The following HACL1 variants were observed in gnomAD, a reference collection of about 807,000 sequenced individuals.
HACL1 encodes 2-hydroxyacyl-CoA lyase 1.
HACL1 carries 64 observed loss-of-function variants against 74.2 expected under a neutral mutation model. The ratio of observed to expected loss-of-function variants is 0.86; its 90% CI spans 0.70 to 1.06. The LOEUF is 1.06. Ranked by LOEUF, HACL1 falls within the 50% of genes least tolerant of loss-of-function variation. The pLI is 0.00. For missense variants in HACL1, 728 were observed against 719.7 expected, an observed-to-expected ratio of 1.01 and a Z score of -0.13; for synonymous variants, 230 against 238.8, an observed-to-expected ratio of 0.96 and a Z score of 0.34.
intron 12 of HACL1, among the ~76,000 whole-genome samples, chr3:15,571,264 T>A (rs143448788): frequency 7.2e-5 from 11 of 152,248 alleles, no homozygotes; most frequent in South Asian, 2.1e-4. Flanking sequence ...TGTTTAATTG[T>A]GATGTTCTAT....
chr3:15,574,482 T>C (rs950183512), intron 10 of HACL1, among the ~76,000 whole-genome samples: 3 of 152,188 alleles, frequency 2.0e-5, no homozygotes, highest in African/African-American at 7.2e-5. Flanking sequence ...AAATGGCTTA[T>C]AAGGTGGGTC....
chr3:15,589,537 T>C lies in HACL1; in HGVS notation c.381+3A>G. On this transcript the variant is annotated splice_donor_region_variant and intron_variant, in intron 5 of 16. Transcript: ENST00000321169. ...AAAAAACCAAAATCTTAAAGTTGGA[T>C]ACCTGAGGAAACTCCTGGAAAGCTC... 3 of 1,582,400 alleles carry C rather than the reference T, an allele frequency of 1.9e-6. No individual in the cohort carries two copies. The highest frequency in any genetic ancestry group is 2.6e-6 in the Non-Finnish European group (3 of 1,155,984).
At chr3:15,571,990 C>T (rs763446852) in intron 11 of HACL1, among the ~76,000 whole-genome samples, 1 of 151,736 alleles carries the variant, frequency 6.6e-6, no homozygotes, top group Non-Finnish European at 1.5e-5. Context: ...CAGGTGCCTG[C>T]CACCATGCTC....
chr3:15,563,574 T>C, intron 15 of HACL1, 30 bp from the exon 16 acceptor site: 1 of 1,426,576 alleles, frequency 7.0e-7, no homozygotes, highest in Non-Finnish European at 9.7e-7. Context: ...GTCAATGAAA[T>C]TTAAATCTTA....
At chr3:15,593,160 TAC>T (rs1245426087) in intron 3 of HACL1, among the ~76,000 whole-genome samples, 7 of 149,202 alleles carry the variant, frequency 4.7e-5, no homozygotes, top group African/African-American at 1.5e-4. Context: ...CATACACACA[TAC>T]GTATATATGT....
Position 15,586,567 on chromosome 3 carries a change from G to C in HACL1, c.417C>G (p.Ala139=). 6.2e-7 allele frequency: 1 copy of C among 1,600,762 alleles called. No homozygotes were observed. Among genetic ancestry groups the C allele is most frequent in the South Asian group, 1.1e-5 (1 of 90,338 alleles). The change falls in exon 6 of 17, where the codon GCC becomes GCG. Residue 139 remains alanine (A), a synonymous_variant. Coordinates refer to ENST00000321169, the MANE Select transcript of HACL1 (RefSeq NM_012260.4). ...GAATAGCTTCTATGCTGCTTGGGCG[G>C]GCAGAGAACTTGGTATATAATCTAC... ...EACRLYTKFS[A]RPSSIEAIPF...
At chr3:15,586,780 T>C (rs1421509363) in intron 5 of HACL1, among the ~76,000 whole-genome samples, 178 bp from the exon 6 acceptor site, 3 of 152,156 alleles carry the variant, frequency 2.0e-5, no homozygotes, top group Non-Finnish European at 4.4e-5. Context: ...CTTGGTATGA[T>C]TCAGGAAGCG....
rs71045168 is a variant in HACL1, at chr3:15,592,074, G to GTATATATACGTATATATACACACACTA, written c.228-395_228-394insTAGTGTGTGTATATATACGTATATATA. 4.0e-4 allele frequency among the ~76,000 whole-genome samples: 53 copies of GTATATATACGTATATATACACACACTA among 131,534 alleles called. 1 individual carries two copies. The highest frequency in any genetic ancestry group is 6.9e-4 in the Non-Finnish European group (43 of 62,208). 86.3% of individuals were successfully genotyped at this position (131,534 alleles called of 152,430 possible). A position where few individuals can be genotyped will look rare whatever the true frequency, so the allele number is the denominator to read the frequency against. On this transcript the variant is annotated intron_variant, in intron 3 of 16. Coordinates refer to ENST00000321169, the MANE Select transcript of HACL1 (RefSeq NM_012260.4). ...TATATACGTATATATACGTATATAC[G>GTATATATACGTATATATACACACACTA]TATACGTATATATACACACACTATA...
Position 15,601,517 on chromosome 3 carries a change from C to G in HACL1, c.-54G>C, listed in dbSNP as rs1364351264. The G allele has an allele frequency of 6.2e-7, 1 of 1,609,182 alleles. No individual in the cohort carries two copies. Among genetic ancestry groups the G allele is most frequent in the East Asian group, 2.2e-5 (1 of 44,876 alleles). On this transcript the variant is annotated 5_prime_UTR_variant, in exon 1 of 17. Coordinates refer to ENST00000321169, the MANE Select transcript of HACL1 (RefSeq NM_012260.4). ...GCAGCCGGCAAACAAGCGGAATCAT[C>G]CAGCAAGGCAAACGCGAAATCGGCA...
At chr3:15,587,608 G>A (rs915910509) in intron 5 of HACL1, among the ~76,000 whole-genome samples, 1 of 152,082 alleles carries the variant, frequency 6.6e-6, no homozygotes, top group Non-Finnish European at 1.5e-5. Flanking sequence ...CATTTATCCT[G>A]TTTTCTTTTT....
At position 15,573,232 on chromosome 3, in the gene HACL1, C is replaced by T. The variant is rs1418420194; in HGVS notation, c.920G>A (p.Cys307Tyr). Residue 307 changes from cysteine to tyrosine, a missense_variant, in exon 11 of 17, where the codon TGT becomes TAT. Cys to Tyr is a radical substitution (Grantham distance 194). Transcript: ENST00000321169. Reference protein sequence around the residue: ...PDVKFIQVDICAEELGNNVKP... With the variant: ...PDVKFIQVDIYAEELGNNVKP... Reference sequence around the variant, plus strand: ...TACATTATTCCCCAATTCTTCTGCACAGATATCAACCTAAAAAAGAGACAA... The same window carrying T: ...TACATTATTCCCCAATTCTTCTGCATAGATATCAACCTAAAAAAGAGACAA... 5.6e-6 allele frequency: 9 copies of T among 1,600,006 alleles called. No homozygotes were observed. In the South Asian group the frequency reaches 8.8e-5, roughly 16 times the overall value.
In HACL1 at chr3:15,567,862, T is replaced by A; in HGVS notation, c.1391A>T (p.Glu464Val). ...GDSAFGFSGM[E>V]VETICRYNLP... is the part of the protein sequence containing the mutation. ...GTTTTACCTGCAGATGGTTTCTACC[T>A]CCATGCCAGAAAACCCAAATGCACT... The change falls in exon 14 of 17, where the codon GAG (glutamate) becomes GTG (valine). Residue 464 changes from glutamate to valine, a missense_variant. Physicochemically the swap from Glu to Val is moderately radical, Grantham distance 121 (BLOSUM62 -2). Coordinates refer to ENST00000321169, the MANE Select transcript of HACL1 (RefSeq NM_012260.4). 1 of 1,613,946 alleles carries A rather than the reference T, an allele frequency of 6.2e-7. No individual in the cohort carries two copies. Among genetic ancestry groups the A allele is most frequent in the Non-Finnish European group, 8.5e-7 (1 of 1,179,770 alleles).
At chr3:15,591,034 T>C (rs957046186) in intron 4 of HACL1, among the ~76,000 whole-genome samples, 4 of 152,292 alleles carry the variant, frequency 2.6e-5, no homozygotes, top group African/African-American at 7.2e-5. Flanking sequence ...TGTGCCAAGA[T>C]TGCACCACTG....
intron 3 of HACL1, among the ~76,000 whole-genome samples, chr3:15,593,471 G>C (rs1479254602): frequency 2.0e-5 from 3 of 151,854 alleles, no homozygotes; most frequent in African/African-American, 7.3e-5. Flanking sequence ...TGCCTGCCTT[G>C]GCCTCCCAAA....
rs2063334469 is a variant in HACL1 at position 15,560,855 on chromosome 3, G to C, written c.*10C>G. 5.0e-6 allele frequency: 8 copies of C among 1,590,370 alleles called. No homozygotes were observed. Among genetic ancestry groups the C allele is most frequent in the Non-Finnish European group, 6.9e-6 (8 of 1,161,986 alleles). On this transcript the variant is annotated 3_prime_UTR_variant, in exon 17 of 17. Coordinates refer to ENST00000321169, the MANE Select transcript of HACL1 (RefSeq NM_012260.4). The stretch of plus-strand genomic sequence containing the variant: ...AGAGAAAACTCAAGACCACCAACTG[G>C]CGTCTTTATTTACATATTAGAGCGG...
In HACL1 at chr3:15,560,862, T is replaced by C; in HGVS notation, c.*3A>G. 6.2e-7 allele frequency: 1 copy of C among 1,600,748 alleles called. No homozygotes were observed. The highest frequency in any genetic ancestry group is 2.2e-5 in the East Asian group (1 of 44,772). On this transcript the variant is annotated 3_prime_UTR_variant, in exon 17 of 17. Coordinates refer to ENST00000321169, the MANE Select transcript of HACL1 (RefSeq NM_012260.4). ...ACTCAAGACCACCAACTGGCGTCTT[T>C]ATTTACATATTAGAGCGGGTCAGCC... is the stretch of plus-strand genomic sequence containing the variant.
intron 16 of HACL1, among the ~76,000 whole-genome samples, chr3:15,562,625 A>G (rs2063362376): frequency 6.6e-6 from 1 of 152,232 alleles, no homozygotes; most frequent in African/African-American, 2.4e-5. Context: ...AACTGTTCGC[A>G]CGGAAGACAG....
intron 7 of HACL1, 50 bp from the exon 8 acceptor site, chr3:15,583,039 T>C (rs1474338153): frequency 1.2e-6 from 1 of 860,242 alleles, no homozygotes; most frequent in Non-Finnish European, 1.9e-6. Flanking sequence ...ATGATCTTTT[T>C]ATTGTGAAAA....
intron 12 of HACL1, among the ~76,000 whole-genome samples, chr3:15,571,162 G>A (rs1273736746): frequency 6.6e-6 from 1 of 150,498 alleles, no homozygotes; most frequent in African/African-American, 2.5e-5. Flanking sequence ...TTTTTTTGTA[G>A]AGACAAGGTC....
Sources: gnomAD v4.1 joint callset for allele counts (sites outside exome capture counted in the v4.1 genomes callset) on GRCh38, gnomAD v4.1.1 for gene constraint, MANE v1.5 for transcripts, NCBI Gene and HGNC (gene_info 2026-07-23, HGNC 2026-07-21) for gene names.